The following HECW2 variants were observed in gnomAD, a reference collection of about 807,000 sequenced individuals.
The protein encoded by HECW2 is E3 ubiquitin-protein ligase HECW2.
Under a neutral mutation model 175.2 loss-of-function variants are expected in HECW2, and 61 were observed. The observed-to-expected ratio is 0.35, with a 90% CI of 0.28 to 0.43. HECW2 has a LOEUF of 0.43. HECW2 is among the 20% of genes least tolerant of loss of function. HECW2 has a pLI of 1.00. For synonymous variants in HECW2, 671 were observed against 731.0 expected (o/e 0.92, Z 1.32); for missense variants, 1,524 against 2,000.5 (o/e 0.76, Z 4.54).
In HECW2 at chr2:196,469,795, T is replaced by C. The variant is rs149660710; in HGVS notation, c.-35-36337A>G. Reference sequence around the variant, plus strand: ...CAAGTAGTTAACCAAGAAGTATATATAGTATGAAGAAAAAAAAATAAGGCT... The same window carrying C: ...CAAGTAGTTAACCAAGAAGTATATACAGTATGAAGAAAAAAAAATAAGGCT... On this transcript the variant is annotated intron_variant, in intron 1 of 28. Coordinates refer to ENST00000644978, the MANE Select transcript of HECW2 (RefSeq NM_001348768.2). 3.7e-4 allele frequency among the ~76,000 whole-genome samples: 56 copies of C among 151,762 alleles called. No individual in the cohort carries two copies. The East Asian group carries it at 0.011, about 29-fold the overall frequency.
intron 1 of HECW2, among the ~76,000 whole-genome samples, chr2:196,458,262 C>A (rs1696593144): frequency 6.6e-6 from 1 of 152,082 alleles, no homozygotes; most frequent in South Asian, 2.1e-4. Context: ...CAGAGCAAAA[C>A]CCTGTCTCTA....
At position 196,319,274 on chromosome 2, in the gene HECW2, C is replaced by T. The variant is rs1691842255; in HGVS notation, c.1616G>A (p.Ser539Asn). 2.5e-6 allele frequency: 4 copies of T among 1,608,384 alleles called. No individual in the cohort carries two copies. The highest frequency in any genetic ancestry group is 3.4e-6 in the Non-Finnish European group (4 of 1,177,544). ...KPENLPELAESSLPAGPAPEE... is the reference protein window; with the variant it reads ...KPENLPELAENSLPAGPAPEE... ...TGGGGCTGGGCCTGCAGGTAAGGAG[C>T]TCTCTGCAAGCTCTGGAAGATTTTC... The change falls in exon 9 of 29, where the codon AGC (serine) becomes AAC (asparagine). Residue 539 changes from serine (S) to asparagine (N), a missense_variant. By Grantham distance (46) the Ser-to-Asn change is conservative. Coordinates refer to ENST00000644978, the MANE Select transcript of HECW2 (RefSeq NM_001348768.2).
intron 2 of HECW2, among the ~76,000 whole-genome samples, chr2:196,360,604 T>C (rs1392737664): frequency 6.6e-6 from 1 of 152,186 alleles, no homozygotes. Context: ...AGTGGCTTAG[T>C]ACCTGAGTGA....
At chr2:196,374,891 A>G (rs970457038) in intron 2 of HECW2, among the ~76,000 whole-genome samples, 2 of 151,810 alleles carry the variant, frequency 1.3e-5, no homozygotes, top group Non-Finnish European at 2.9e-5. Flanking sequence ...GGCCGGGCGC[A>G]GTGGCTCATG....
intron 28 of HECW2, among the ~76,000 whole-genome samples, chr2:196,209,193 T>C (rs761485221): frequency 6.6e-6 from 1 of 152,246 alleles, no homozygotes; most frequent in Non-Finnish European, 1.5e-5. Context: ...AGATTTGACT[T>C]GGACTATCCT....
intron 2 of HECW2, among the ~76,000 whole-genome samples, chr2:196,365,106 G>A (rs1693708900): frequency 6.6e-6 from 1 of 152,204 alleles, no homozygotes; most frequent in Non-Finnish European, 1.5e-5. Flanking sequence ...CCCATGGGTG[G>A]AAATGTGATT....
At chr2:196,497,720 A>G (rs1171242839) in intron 1 of HECW2, among the ~76,000 whole-genome samples, 2 of 152,202 alleles carry the variant, frequency 1.3e-5, no homozygotes, top group Non-Finnish European at 2.9e-5. Context: ...CAAAAAAGCT[A>G]AAAATATTAC....
At chr2:196,329,899 CTA>C (rs1692294486) in intron 4 of HECW2, among the ~76,000 whole-genome samples, 1 of 152,106 alleles carries the variant, frequency 6.6e-6, no homozygotes, top group African/African-American at 2.4e-5. Context: ...ATGAATCAAA[CTA>C]TGTCTTTTTT....
chr2:196,196,245 C>T lies in HECW2; in HGVS notation c.*5032G>A, dbSNP rs1686685494. On this transcript the variant is annotated 3_prime_UTR_variant, in exon 29 of 29. Coordinates refer to ENST00000644978, the MANE Select transcript of HECW2 (RefSeq NM_001348768.2). ...ACAACTGCTGGGCTCCTCTTTCCTCCTTTTTTATTTTTATCATCCTTTCAG... is the reference window on the plus strand; with the variant it reads ...ACAACTGCTGGGCTCCTCTTTCCTCTTTTTTTATTTTTATCATCCTTTCAG... 6.6e-6 allele frequency: 1 copy of T among 152,230 alleles called. No individual in the cohort carries two copies. Among genetic ancestry groups the T allele is most frequent in the Non-Finnish European group, 1.5e-5 (1 of 68,090 alleles). 9.4% of individuals were successfully genotyped at this position (152,230 alleles called of 1,614,324 possible).
chr2:196,505,258 G>A (rs1045616252), intron 1 of HECW2, among the ~76,000 whole-genome samples: 2 of 152,116 alleles, frequency 1.3e-5, no homozygotes, highest in Non-Finnish European at 2.9e-5. Context: ...AGAAAACAAG[G>A]CCAGGCACAG....
intron 2 of HECW2, among the ~76,000 whole-genome samples, chr2:196,372,786 G>C (rs1693944405): frequency 6.6e-6 from 1 of 152,090 alleles, no homozygotes; most frequent in Non-Finnish European, 1.5e-5. Context: ...CAATTTTTAA[G>C]ACATTTTCTC....
intron 1 of HECW2, among the ~76,000 whole-genome samples, chr2:196,558,019 T>C (rs1689868571): frequency 6.6e-6 from 1 of 152,226 alleles, no homozygotes; most frequent in Non-Finnish European, 1.5e-5. Flanking sequence ...ATTAATACTT[T>C]ATTTATTCTG....
intron 1 of HECW2, among the ~76,000 whole-genome samples, chr2:196,532,786 ATTTTAC>A (rs1235994074): frequency 6.6e-6 from 1 of 151,802 alleles, no homozygotes; most frequent in African/African-American, 2.4e-5. Context: ...ATATTATTTT[ATTTTAC>A]TTATAGTAAC....
chr2:196,343,088 A>T (rs575553499), intron 3 of HECW2, among the ~76,000 whole-genome samples: 1 of 145,326 alleles, frequency 6.9e-6, no homozygotes, highest in Non-Finnish European at 1.5e-5. Context: ...GTGTGTGTGT[A>T]TATACATATA....
At chr2:196,256,009 G>A (rs2105919668) in intron 18 of HECW2, among the ~76,000 whole-genome samples, 1 of 152,076 alleles carries the variant, frequency 6.6e-6, no homozygotes, top group South Asian at 2.1e-4. Flanking sequence ...GAGGGTGGAG[G>A]TTGCAATGAG....
chr2:196,306,518 T>C lies in HECW2; in HGVS notation c.2784A>G (p.Pro928=). The C allele has an allele frequency of 6.2e-7, 1 of 1,612,226 alleles. No individual in the cohort carries two copies. The highest frequency in any genetic ancestry group is 8.5e-7 in the Non-Finnish European group (1 of 1,179,154). The part of the protein sequence containing the change: ...QSPPVKFLIS[P]EFFTVLHSNP... ...TAGAATGCAGCACGGTGAAGAACTC[T>C]GGGCTGATGAGGAACTTCACGGGGG... Residue 928 remains proline, a synonymous_variant, in exon 13 of 29, where the codon CCA becomes CCG. Transcript: ENST00000644978.
chr2:196,538,594 C>T (rs1689099348), intron 1 of HECW2, among the ~76,000 whole-genome samples: 1 of 152,030 alleles, frequency 6.6e-6, no homozygotes, highest in South Asian at 2.1e-4. Context: ...TTTGGTTAGT[C>T]CCAGACTTAA....
chr2:196,265,731 A>G (rs561154851), intron 17 of HECW2, among the ~76,000 whole-genome samples: 18 of 152,346 alleles, frequency 1.2e-4, no homozygotes, highest in African/African-American at 4.1e-4. Context: ...ACACAGTATC[A>G]AATGGTTTAT....
At chr2:196,257,945 G>C (rs756366768) in intron 17 of HECW2, 39 bp from the exon 18 acceptor site, 1 of 1,432,530 alleles carries the variant, frequency 7.0e-7, no homozygotes, top group Non-Finnish European at 9.8e-7. Flanking sequence ...GTATATGGTA[G>C]ACCTTTAGGC....
Sources: allele counts gnomAD v4.1 joint callset (sites outside exome capture counted in the v4.1 genomes callset), GRCh38; gene constraint gnomAD v4.1.1; transcripts MANE v1.5; gene names NCBI Gene and HGNC (gene_info 2026-07-23, HGNC 2026-07-21).